The following MICAL2 variants were observed in gnomAD, a reference collection of about 807,000 sequenced individuals.
MICAL2 encodes [F-actin]-monooxygenase MICAL2.
In MICAL2, 77 loss-of-function variants were observed where a neutral mutation model predicts 127.3. The ratio of observed to expected loss-of-function variants is 0.60; its 90% CI spans 0.50 to 0.73. The LOEUF is 0.73. MICAL2 is among the 30% of genes least tolerant of loss of function. MICAL2 has a pLI of 0.00. For missense variants in MICAL2, 1,351 were observed against 1,434.4 expected (o/e 0.94, Z 0.94); for synonymous variants, 570 against 551.1 (o/e 1.03, Z -0.48).
chr11:12,167,935 G>A (rs1166854955), intron 3 of MICAL2, among the ~76,000 whole-genome samples: 1 of 152,090 alleles, frequency 6.6e-6, no homozygotes, highest in Non-Finnish European at 1.5e-5. Context: ...TGTCCTCATA[G>A]GAAGTTGTTA....
At chr11:12,343,819 C>T (rs900122130) in intron 32 of MICAL2, among the ~76,000 whole-genome samples, 2 of 152,084 alleles carry the variant, frequency 1.3e-5, no homozygotes, top group African/African-American at 2.4e-5. Context: ...TCTGTTTTCT[C>T]TATCAAGGAA....
chr11:12,306,336 T>C (rs758790040), intron 29 of MICAL2, among the ~76,000 whole-genome samples: 2 of 152,154 alleles, frequency 1.3e-5, no homozygotes, highest in Non-Finnish European at 2.9e-5. Flanking sequence ...ATTATTCTTC[T>C]GGTACACTAT....
At chr11:12,120,607 G>A (rs1268983725) in intron 1 of MICAL2, among the ~76,000 whole-genome samples, 1 of 152,206 alleles carries the variant, frequency 6.6e-6, no homozygotes, top group Non-Finnish European at 1.5e-5. Flanking sequence ...TTTGTAGATT[G>A]AGAAGGGTAT....
intron 12 of MICAL2, among the ~76,000 whole-genome samples, 181 bp downstream of exon 12, chr11:12,223,682 G>C (rs546701974): frequency 6.6e-6 from 1 of 152,178 alleles, no homozygotes; most frequent in African/African-American, 2.4e-5. Context: ...GAGACCAAGA[G>C]AACCCCTGCC....
chr11:12,356,173 G>A (rs1286347255), intron 34 of MICAL2, among the ~76,000 whole-genome samples: 1 of 152,108 alleles, frequency 6.6e-6, no homozygotes, highest in East Asian at 1.9e-4. Context: ...GAAGGTCATA[G>A]GTTTTTCTCA....
intron 29 of MICAL2, among the ~76,000 whole-genome samples, chr11:12,306,253 T>TGTAA (rs1864107603): frequency 6.6e-6 from 1 of 151,670 alleles, no homozygotes; most frequent in Admixed American, 6.6e-5. Flanking sequence ...CTAACAGTAT[T>TGTAA]CATTAGGTAA....
At chr11:12,201,024 G>A (rs1216319765) in intron 3 of MICAL2, among the ~76,000 whole-genome samples, 4 of 152,318 alleles carry the variant, frequency 2.6e-5, no homozygotes, top group East Asian at 1.9e-4. Flanking sequence ...CACCAGTGTC[G>A]GGGCTTGGAG....
At chr11:12,140,502 T>C (rs1284448804) in intron 2 of MICAL2, among the ~76,000 whole-genome samples, 2 of 151,276 alleles carry the variant, frequency 1.3e-5, no homozygotes, top group East Asian at 1.9e-4. Flanking sequence ...TTGGCTCTTT[T>C]TTTTTTTTTT....
At chr11:12,266,556 T>C (rs1016643082), downstream of MICAL2, among the ~76,000 whole-genome samples, 1 of 152,258 alleles carries the variant, frequency 6.6e-6, no homozygotes, top group Non-Finnish European at 1.5e-5. Context: ...AAGAATTTTA[T>C]GTGCAGAACT....
In MICAL2 at chr11:12,313,372, G is replaced by A. The variant is rs920470112; in HGVS notation, c.5213-6324G>A. ...TAGTTTCTATGAATAACCGCGGGGG[G>A]AGAATGAGAGGCCAGGAGAGCAGGA... On this transcript the variant is annotated intron_variant, in intron 29 of 34. Transcript: ENST00000646065. Among the ~76,000 whole-genome samples the A allele has an allele frequency of 2.0e-4, 30 of 152,002 alleles. 1 individual carries two copies. The highest frequency in any genetic ancestry group is 1.3e-4 in the Admixed American group (2 of 15,260).
At chr11:12,261,775 C>T (rs984406599) in intron 26 of MICAL2, 105 of 985,306 alleles carry the variant, frequency 1.1e-4, no homozygotes, top group Non-Finnish European at 1.2e-4. Context: ...TGGGAACTGG[C>T]GCCTCTGTCC....
At chr11:12,330,628 GACA>G (rs1174075804) in intron 32 of MICAL2, among the ~76,000 whole-genome samples, 3 of 152,072 alleles carry the variant, frequency 2.0e-5, no homozygotes, top group Non-Finnish European at 4.4e-5. Context: ...TCATTGTCGT[GACA>G]ACAATTCCTG....
intron 21 of MICAL2, among the ~76,000 whole-genome samples, chr11:12,247,952 C>G (rs1210683358): frequency 2.0e-5 from 3 of 152,200 alleles, no homozygotes; most frequent in African/African-American, 7.2e-5. Context: ...GAAACTGATG[C>G]TTAGTCCTTG....
At chr11:12,181,926 C>T (rs1460503395) in intron 3 of MICAL2, among the ~76,000 whole-genome samples, 1 of 152,160 alleles carries the variant, frequency 6.6e-6, no homozygotes, top group African/African-American at 2.4e-5. Context: ...TAATATATTC[C>T]CCAATTACAG....
intron 3 of MICAL2, among the ~76,000 whole-genome samples, chr11:12,190,425 G>A (rs1341973386): frequency 6.6e-6 from 1 of 152,176 alleles, no homozygotes; most frequent in African/African-American, 2.4e-5. Context: ...AGGATTTTCT[G>A]TCACCTCTAA....
intron 31 of MICAL2, chr11:12,327,142 C>G: frequency 6.5e-7 from 1 of 1,544,832 alleles, no homozygotes; most frequent in South Asian, 1.2e-5. Flanking sequence ...TGTGGAAAGT[C>G]CTTGTGTGAC....
Position 12,127,914 on chromosome 11 carries a change from A to T in MICAL2, c.-148-10476A>T, listed in dbSNP as rs540483183. On this transcript the variant is annotated intron_variant, in intron 1 of 27. Coordinates refer to ENST00000683283, the MANE Select transcript of MICAL2 (RefSeq NM_001282663.2). ...AGCTCCACATCTGTAAATGGAGATA[A>T]AATGGTACTTACCATTTCAGGCACG... Among the ~76,000 whole-genome samples the T allele has an allele frequency of 2.0e-5, 3 of 152,348 alleles. No homozygotes were observed. The East Asian group carries it at 5.8e-4, about 29-fold the overall frequency.
intron 32 of MICAL2, among the ~76,000 whole-genome samples, chr11:12,335,000 T>C (rs1938723365): frequency 6.6e-6 from 1 of 152,128 alleles, no homozygotes; most frequent in South Asian, 2.1e-4. Context: ...ATGGTATTTC[T>C]AGTTCTAGAT....
chr11:12,176,095 A>C (rs536656841), intron 3 of MICAL2, among the ~76,000 whole-genome samples: 1 of 152,320 alleles, frequency 6.6e-6, no homozygotes, highest in Non-Finnish European at 1.5e-5. Flanking sequence ...CTCAGGCCTA[A>C]GGAATGTATT....
Sources: gnomAD v4.1 joint callset for allele counts (sites outside exome capture counted in the v4.1 genomes callset) on GRCh38, gnomAD v4.1.1 for gene constraint, MANE v1.5 for transcripts, NCBI Gene and HGNC (gene_info 2026-07-23, HGNC 2026-07-21) for gene names.